The following STX17 variants were observed in gnomAD, a reference collection of about 807,000 sequenced individuals.
STX17 encodes the protein syntaxin 17.
STX17 carries 29 observed loss-of-function variants against 35.9 expected under a neutral mutation model. The observed-to-expected ratio is 0.81, with a 90% CI of 0.60 to 1.10. The LOEUF is 1.10. Among genes scored for constraint, STX17 ranks in the 50% least tolerant of loss-of-function variants. The pLI, the probability that STX17 is intolerant of heterozygous loss-of-function variation, is 0.00. For synonymous variants in STX17, 92 were observed against 118.3 expected, an observed-to-expected ratio of 0.78 and a Z score of 1.44; for missense variants, 312 against 352.3, an observed-to-expected ratio of 0.89 and a Z score of 0.92.
At chr9:99,912,815 AC>A (rs1337279931) in intron 1 of STX17, among the ~76,000 whole-genome samples, 2 of 152,004 alleles carry the variant, frequency 1.3e-5, no homozygotes, top group African/African-American at 4.8e-5. Context: ...TCTTTCATCC[AC>A]CCATTTATTC....
At chr9:99,957,978 A>C (rs1829747138) in intron 4 of STX17, among the ~76,000 whole-genome samples, 1 of 152,184 alleles carries the variant, frequency 6.6e-6, no homozygotes, top group South Asian at 2.1e-4. Flanking sequence ...CTGTAAATCT[A>C]AAATCTGATT....
intron 3 of STX17, among the ~76,000 whole-genome samples, chr9:99,931,703 C>G (rs1005580694): frequency 5.3e-5 from 8 of 152,112 alleles, no homozygotes; most frequent in Non-Finnish European, 1.0e-4. Context: ...AGTCCCTGTT[C>G]TATTGGATGT....
chr9:99,937,443 ATTGTT>A (rs1305508720), intron 3 of STX17, among the ~76,000 whole-genome samples: 2 of 151,568 alleles, frequency 1.3e-5, no homozygotes, highest in East Asian at 1.9e-4. Context: ...ATTCTTTTTG[ATTGTT>A]TTATCTGTGT....
intron 4 of STX17, among the ~76,000 whole-genome samples, chr9:99,958,424 C>T (rs1045705722): frequency 6.6e-6 from 1 of 152,174 alleles, no homozygotes; most frequent in Non-Finnish European, 1.5e-5. Flanking sequence ...CTGTATCATG[C>T]ATTTTATGGT....
intron 2 of STX17, among the ~76,000 whole-genome samples, chr9:99,924,059 C>A (rs1163478566): frequency 2.6e-5 from 4 of 152,046 alleles, no homozygotes; most frequent in Non-Finnish European, 5.9e-5. Flanking sequence ...TGTGATTGGA[C>A]AAAAAGGGTA....
rs1297231530 is a variant in STX17 at position 99,971,809 on chromosome 9, C to T, written c.*3136C>T. ...GCAGAGGCCAGAGGATCACTTGAGC[C>T]CAGGAGTTTGAGACCAGCCTGGGCA... On this transcript the variant is annotated 3_prime_UTR_variant, in exon 8 of 8. Coordinates refer to ENST00000259400, the MANE Select transcript of STX17 (RefSeq NM_017919.3). Among the ~76,000 whole-genome samples, 2 of 151,750 alleles carry T rather than the reference C, an allele frequency of 1.3e-5. No homozygotes were observed. Among genetic ancestry groups the T allele is most frequent in the Non-Finnish European group, 2.9e-5 (2 of 67,980 alleles).
At chr9:99,919,237 TC>T (rs1259662235) in intron 2 of STX17, among the ~76,000 whole-genome samples, 1 of 152,172 alleles carries the variant, frequency 6.6e-6, no homozygotes, top group African/African-American at 2.4e-5. Flanking sequence ...ACCATGCACT[TC>T]CATCTGGTTA....
rs771976115 is a variant in STX17 at position 99,915,375 on chromosome 9, A to G, written c.123+13A>G. The G allele has an allele frequency of 4.4e-6, 7 of 1,575,160 alleles. No homozygotes were observed. Among genetic ancestry groups the G allele is most frequent in the South Asian group, 1.2e-5 (1 of 84,388 alleles). Reference sequence around the variant, plus strand: ...AAATATTGAGAAGGTGAGCTGTTTCATTTACTACCACAAGAAATAGTTACA... The same window carrying G: ...AAATATTGAGAAGGTGAGCTGTTTCGTTTACTACCACAAGAAATAGTTACA... On this transcript the variant is annotated intron_variant, in intron 2 of 7. Coordinates refer to ENST00000259400, the MANE Select transcript of STX17 (RefSeq NM_017919.3).
intron 3 of STX17, among the ~76,000 whole-genome samples, chr9:99,941,027 G>A (rs1829348486): frequency 6.6e-6 from 1 of 152,168 alleles, no homozygotes; most frequent in Non-Finnish European, 1.5e-5. Context: ...TAATTCCAAA[G>A]GAGTAGTTCT....
At chr9:99,951,020 A>G in intron 3 of STX17, 40 bp from the exon 4 acceptor site, 1 of 1,514,576 alleles carries the variant, frequency 6.6e-7, no homozygotes, top group Non-Finnish European at 9.0e-7. Flanking sequence ...GATATCTTAT[A>G]CTAAGAAATG....
chr9:99,960,938 G>T (rs570627158), intron 6 of STX17, among the ~76,000 whole-genome samples: 3 of 152,348 alleles, frequency 2.0e-5, no homozygotes, highest in Non-Finnish European at 2.9e-5. Flanking sequence ...CAGGTAGACA[G>T]TATTTGTATG....
intron 1 of STX17, among the ~76,000 whole-genome samples, chr9:99,911,735 C>T (rs1464227028): frequency 1.3e-5 from 2 of 152,040 alleles, no homozygotes; most frequent in Non-Finnish European, 2.9e-5. Context: ...CACCACCACA[C>T]CCAGCTAATT....
chr9:99,953,885 G>A (rs1046795851), intron 4 of STX17: 1 of 152,096 alleles, frequency 6.6e-6, no homozygotes, highest in East Asian at 1.9e-4. Flanking sequence ...CAGTAGAACT[G>A]TTCGGGATCA....
At position 99,915,059 on chromosome 9, in the gene STX17, G is replaced by C. The variant is rs1587910015; in HGVS notation, c.-62-119G>C. 9 of 533,572 alleles carry C rather than the reference G, an allele frequency of 1.7e-5. No homozygotes were observed. The East Asian group carries it at 3.9e-4, about 23-fold the overall frequency. 33.1% of individuals were successfully genotyped at this position (533,572 alleles called of 1,614,324 possible). A position where few individuals can be genotyped will look rare whatever the true frequency, so the allele number is the denominator to read the frequency against. Reference sequence around the variant, plus strand: ...ATAAAGAAAAAAACAAGTCACTCAAGGTCAGCATTAGAAATATTCTATTTA... The same window carrying C: ...ATAAAGAAAAAAACAAGTCACTCAACGTCAGCATTAGAAATATTCTATTTA... On this transcript the variant is annotated intron_variant, in intron 1 of 7. Coordinates refer to ENST00000259400, the MANE Select transcript of STX17 (RefSeq NM_017919.3).
At chr9:99,936,905 G>A (rs1174467509) in intron 3 of STX17, among the ~76,000 whole-genome samples, 2 of 151,924 alleles carry the variant, frequency 1.3e-5, no homozygotes, top group African/African-American at 4.8e-5. Flanking sequence ...TTTCCATCTG[G>A]TGTGGTTTTC....
chr9:99,923,371 C>A (rs1029454803), intron 2 of STX17, among the ~76,000 whole-genome samples: 1 of 152,098 alleles, frequency 6.6e-6, no homozygotes, highest in African/African-American at 2.4e-5. Context: ...ATGAAAAAAA[C>A]CTGCATGCAA....
intron 4 of STX17, 121 bp downstream of exon 4, chr9:99,951,406 C>A: frequency 3.5e-6 from 3 of 862,784 alleles, no homozygotes; most frequent in East Asian, 2.6e-5. Flanking sequence ...TCCCAATATG[C>A]TGAATCCTTG....
At chr9:99,944,269 A>G (rs767137993) in intron 3 of STX17, among the ~76,000 whole-genome samples, 24 of 151,836 alleles carry the variant, frequency 1.6e-4, no homozygotes, top group Non-Finnish European at 3.4e-4. Flanking sequence ...TGGTTAATCT[A>G]TTGTATTATG....
chr9:99,915,476 C>T, intron 2 of STX17, 114 bp downstream of exon 2: 3 of 1,285,278 alleles, frequency 2.3e-6, no homozygotes, highest in East Asian at 2.6e-5. Context: ...AAACACCTAG[C>T]TCCTATTGAT....
Sources: allele counts gnomAD v4.1 joint callset (sites outside exome capture counted in the v4.1 genomes callset), GRCh38; gene constraint gnomAD v4.1.1; transcripts MANE v1.5; gene names NCBI Gene and HGNC (gene_info 2026-07-23, HGNC 2026-07-21).